The following EFL1 variants were observed in gnomAD, a reference collection of about 807,000 sequenced individuals.
EFL1 encodes elongation factor-like GTPase 1.
A neutral mutation model predicts 126.7 loss-of-function variants in EFL1; 76 were observed. The observed-to-expected ratio is 0.60, with a 90% CI of 0.50 to 0.73. EFL1 has a LOEUF of 0.73. Among genes scored for constraint, EFL1 ranks in the 30% least tolerant of loss-of-function variants. The pLI, the probability that EFL1 is intolerant of heterozygous loss-of-function variation, is 0.00. For synonymous variants in EFL1, 410 were observed against 448.4 expected (o/e 0.91, Z 1.08); for missense variants, 1,128 against 1,343.2 (o/e 0.84, Z 2.50).
chr15:82,244,973 T>C (rs574426440), intron 4 of EFL1, among the ~76,000 whole-genome samples: 3 of 152,222 alleles, frequency 2.0e-5, no homozygotes, highest in East Asian at 1.9e-4. Flanking sequence ...TGTCAGTGTA[T>C]TGGTAGAGTA....
intron 9 of EFL1, 147 bp from the exon 10 acceptor site, chr15:82,228,474 C>T (rs751646643): frequency 1.0e-6 from 1 of 996,512 alleles, no homozygotes. Flanking sequence ...CCTGCCGCCA[C>T]ACAAGGGGCC....
At chr15:82,144,574 CTTAAG>C (rs1278763668) in intron 18 of EFL1, among the ~76,000 whole-genome samples, 5 of 152,140 alleles carry the variant, frequency 3.3e-5, no homozygotes, top group Admixed American at 6.5e-5. Flanking sequence ...GCTTTGTCAC[CTTAAG>C]TTATGTCTCA....
intron 15 of EFL1, 82 bp from the exon 16 acceptor site, chr15:82,164,066 G>A: frequency 1.9e-6 from 3 of 1,542,436 alleles, no homozygotes; most frequent in East Asian, 4.6e-5. Flanking sequence ...CATCAACCCA[G>A]TATATGTATC....
At chr15:82,218,368 C>A (rs905643716) in intron 14 of EFL1, among the ~76,000 whole-genome samples, 46 of 151,838 alleles carry the variant, frequency 3.0e-4, no homozygotes, top group African/African-American at 1.1e-3. Flanking sequence ...AAATAAGAGG[C>A]CATTTGAGCT....
At chr15:82,197,283 T>G (rs6495644) in intron 15 of EFL1, among the ~76,000 whole-genome samples, 57,000 of 151,990 alleles carry the variant, frequency 0.38, 11,870 homozygotes, top group African/African-American at 0.56. Context: ...GACAGAAAAT[T>G]TACCTTTGAT....
rs1173621496 is a variant in EFL1 at position 82,152,343 on chromosome 15, A to G, written c.2111T>C (p.Met704Thr). Residue 704 changes from methionine to threonine, a missense_variant, in exon 18 of 20, where the codon ATG (methionine) becomes ACG (threonine). Coordinates refer to ENST00000268206, the MANE Select transcript of EFL1 (RefSeq NM_024580.6). ...CTGTTTGCCTATTTCTTCATTGACCATGTCAACTTTTGGGGGTTTTGTGAT... is the reference window on the plus strand; with the variant it reads ...CTGTTTGCCTATTTCTTCATTGACCGTGTCAACTTTTGGGGGTTTTGTGAT... The part of the protein sequence containing the change: ...ETITKPPKVD[M>T]VNEEIGKQQK... 1.2e-6 allele frequency: 2 copies of G among 1,613,928 alleles called. No individual in the cohort carries two copies. The highest frequency in any genetic ancestry group is 2.2e-5 in the East Asian group (1 of 44,888).
Position 82,130,458 on chromosome 15 carries a change from G to A in EFL1, c.3278C>T (p.Ala1093Val), listed in dbSNP as rs1480579833. 3.7e-6 allele frequency: 6 copies of A among 1,614,100 alleles called. No individual in the cohort carries two copies. The highest frequency in any genetic ancestry group is 3.3e-5 in the South Asian group (3 of 91,070). The change falls in exon 20 of 20, where the codon GCA (alanine) becomes GTA (valine). Residue 1093 changes from alanine (A) to valine (V), a missense_variant. Physicochemically the swap from Ala to Val is moderately conservative, Grantham distance 64. Coordinates refer to ENST00000268206, the MANE Select transcript of EFL1 (RefSeq NM_024580.6). ...ATAAAGCCCCTTCCGCTTTCGTACT[G>A]CGTTCATGTACTTCCGGGCTTGGTT... ...SENQARKYMN[A>V]VRKRKGLYVE...
chr15:82,258,032 C>CA (rs2075081030), intron 3 of EFL1, among the ~76,000 whole-genome samples: 1 of 152,216 alleles, frequency 6.6e-6, no homozygotes, highest in African/African-American at 2.4e-5. Flanking sequence ...TCCCAACCCA[C>CA]ACATCAATTC....
chr15:82,175,221 G>C (rs543393933), intron 15 of EFL1, among the ~76,000 whole-genome samples: 15 of 152,194 alleles, frequency 9.9e-5, no homozygotes, highest in Middle Eastern at 6.8e-3. Flanking sequence ...ATTGCCCTAC[G>C]TCTGCATCTT....
At chr15:82,240,652 TCAGA>T (rs2074921788) in intron 5 of EFL1, 97 bp from the exon 6 acceptor site, 1 of 1,410,406 alleles carries the variant, frequency 7.1e-7, no homozygotes, top group African/African-American at 1.4e-5. Flanking sequence ...ACTATGCCAG[TCAGA>T]CAAAGGTATT....
chr15:82,212,773 G>A (rs186113061), intron 15 of EFL1, among the ~76,000 whole-genome samples: 1 of 152,216 alleles, frequency 6.6e-6, no homozygotes, highest in East Asian at 1.9e-4. Context: ...GGCTGGAAGA[G>A]TAAAACACTC....
At chr15:82,172,563 AAT>A (rs201882399) in intron 15 of EFL1, among the ~76,000 whole-genome samples, 481 of 152,340 alleles carry the variant, frequency 3.2e-3, no homozygotes, top group African/African-American at 0.011. Context: ...ACCTGTTCAT[AAT>A]AATCTGAGTT....
chr15:82,260,085 C>T (rs779310647), intron 2 of EFL1, among the ~76,000 whole-genome samples: 3 of 152,132 alleles, frequency 2.0e-5, no homozygotes, highest in Non-Finnish European at 4.4e-5. Flanking sequence ...ACCAGAACAA[C>T]GCTTGTCATA....
At chr15:82,175,577 G>A (rs1208746632) in intron 15 of EFL1, among the ~76,000 whole-genome samples, 2 of 152,080 alleles carry the variant, frequency 1.3e-5, no homozygotes, top group Non-Finnish European at 2.9e-5. Flanking sequence ...TTAATTTTAT[G>A]TTATAAAAAC....
intron 19 of EFL1, 23 bp from the exon 20 acceptor site, chr15:82,130,584 T>G (rs1338829772): frequency 6.2e-7 from 1 of 1,611,040 alleles, no homozygotes; most frequent in Admixed American, 1.7e-5. Context: ...GATGACAGAA[T>G]GTGCAAGGTT....
chr15:82,219,271 C>A (rs866232629), intron 14 of EFL1, among the ~76,000 whole-genome samples: 5 of 152,164 alleles, frequency 3.3e-5, no homozygotes, highest in Middle Eastern at 3.2e-3. Context: ...CTGCTCACTG[C>A]CCACACCTTT....
intron 15 of EFL1, among the ~76,000 whole-genome samples, chr15:82,198,417 C>T (rs185400159): frequency 2.0e-5 from 3 of 152,236 alleles, no homozygotes; most frequent in Non-Finnish European, 4.4e-5. Context: ...AGCTAGTCCT[C>T]ATGGATCCAA....
chr15:82,177,307 C>T (rs1454474694), intron 15 of EFL1, among the ~76,000 whole-genome samples: 3 of 152,116 alleles, frequency 2.0e-5, no homozygotes. Context: ...ATGCTAATAA[C>T]TGCAACTAAT....
chr15:82,199,856 G>C (rs146918895), intron 15 of EFL1, among the ~76,000 whole-genome samples: 1 of 152,106 alleles, frequency 6.6e-6, no homozygotes, highest in Non-Finnish European at 1.5e-5. Flanking sequence ...TTAATGTATC[G>C]CAGGAGATAA....
Sources: allele counts gnomAD v4.1 joint callset (sites outside exome capture counted in the v4.1 genomes callset), GRCh38; gene constraint gnomAD v4.1.1; transcripts MANE v1.5; gene names NCBI Gene and HGNC (gene_info 2026-07-23, HGNC 2026-07-21).